Variants in TJP2 observed in about 807,000 individuals in gnomAD.
TJP2 encodes tight junction protein 2, also known as Friedreich ataxia region gene X104 (tight junction protein ZO-2).
TJP2 carries 91 observed loss-of-function variants against 133.1 expected under a neutral mutation model. The ratio of observed to expected loss-of-function variants is 0.68; its 90% confidence interval spans 0.58 to 0.81. The LOEUF is 0.81. Ranked by LOEUF, TJP2 falls within the 40% of genes least tolerant of loss-of-function variation. TJP2 has a pLI of 0.00. For missense variants in TJP2, 1,541 were observed against 1,565.6 expected, an observed-to-expected ratio of 0.98 and a Z score of 0.26; for synonymous variants, 592 against 583.4, an observed-to-expected ratio of 1.01 and a Z score of -0.21.
intron 2 of TJP2, among the ~76,000 whole-genome samples, chr9:69,156,532 T>A (rs951022401): frequency 2.6e-4 from 37 of 140,276 alleles, no homozygotes; most frequent in South Asian, 2.2e-3. Flanking sequence ...GATTTTTTTT[T>A]TTTTTTTTTT....
At chr9:69,225,972 A>T in intron 6 of TJP2, 50 bp from the exon 7 acceptor site, 2 of 1,595,680 alleles carry the variant, frequency 1.3e-6, no homozygotes, top group Non-Finnish European at 1.7e-6. Context: ...TGAATTTTCT[A>T]CTGTGAATAA....
rs1826360617 is a variant in TJP2, at chr9:69,193,686, T to A, written c.61-18862T>A. 2.0e-5 allele frequency among the ~76,000 whole-genome samples: 3 copies of A among 150,022 alleles called. No homozygotes were observed. In the Admixed American group the frequency reaches 2.0e-4, roughly 10 times the overall value. ...TTTCAAACACCTGAACTTTTTTTTT[T>A]TTTTTATAACTTGCTTGAATTTCAT... On this transcript the variant is annotated intron_variant, in intron 1 of 22. Coordinates refer to ENST00000377245, the MANE Select transcript of TJP2 (RefSeq NM_004817.4).
chr9:69,184,169 G>C (rs1464136667), intron 1 of TJP2, among the ~76,000 whole-genome samples: 4 of 152,162 alleles, frequency 2.6e-5, no homozygotes, highest in Non-Finnish European at 5.9e-5. Context: ...TACCCTATCA[G>C]TCATGGTTCA....
At chr9:69,238,547 A>C (rs1830357407) in intron 15 of TJP2, among the ~76,000 whole-genome samples, 163 bp from the exon 16 acceptor site, 2 of 152,136 alleles carry the variant, frequency 1.3e-5, no homozygotes, top group South Asian at 4.1e-4. Context: ...CCGTTTCTTC[A>C]TGATTAGATT....
At chr9:69,133,546 CTTT>C (rs10577570) in intron 1 of TJP2, among the ~76,000 whole-genome samples, 43 of 104,778 alleles carry the variant, frequency 4.1e-4, no homozygotes, top group African/African-American at 1.2e-3. Context: ...ATTTTTCTGG[CTTT>C]TTTTTTTTTT....
intron 2 of TJP2, among the ~76,000 whole-genome samples, chr9:69,158,702 T>C (rs2132840039): frequency 6.6e-6 from 1 of 152,222 alleles, no homozygotes; most frequent in South Asian, 2.1e-4. Context: ...ATCCTCCTGC[T>C]TCAGCCTCCC....
At chr9:69,235,040 T>C (rs758023453) in intron 12 of TJP2, among the ~76,000 whole-genome samples, 48 of 152,208 alleles carry the variant, frequency 3.2e-4, no homozygotes, top group Admixed American at 4.6e-4. Context: ...ATAGGAGATA[T>C]TGGAATCAAT....
At position 69,221,508 on chromosome 9, in the gene TJP2, T is replaced by C; in HGVS notation, c.952+12T>C. 18 of 1,600,108 alleles carry C rather than the reference T, an allele frequency of 1.1e-5. No homozygotes were observed. The highest frequency in any genetic ancestry group is 1.5e-5 in the Non-Finnish European group (18 of 1,172,946). On this transcript the variant is annotated intron_variant, in intron 5 of 22. Coordinates refer to ENST00000377245, the MANE Select transcript of TJP2 (RefSeq NM_004817.4). ...CAGAGCGAACGAAGGTAGGCATGCTTGATGTGGGAAGAAAAGCACTGTTGT... is the reference window on the plus strand; with the variant it reads ...CAGAGCGAACGAAGGTAGGCATGCTCGATGTGGGAAGAAAAGCACTGTTGT...
At chr9:69,203,305 A>G (rs1827133779) in intron 1 of TJP2, among the ~76,000 whole-genome samples, 2 of 126,954 alleles carry the variant, frequency 1.6e-5, no homozygotes, top group Non-Finnish European at 3.5e-5. Flanking sequence ...CCATTTATTT[A>G]TATAATAAAT....
intron 1 of TJP2, among the ~76,000 whole-genome samples, chr9:69,182,668 C>T (rs1825594412): frequency 6.6e-6 from 1 of 151,912 alleles, no homozygotes; most frequent in Admixed American, 6.6e-5. Context: ...GGCACGACCT[C>T]TGTTACAAGT....
chr9:69,249,011 A>T, intron 19 of TJP2: 2 of 995,512 alleles, frequency 2.0e-6, no homozygotes, highest in Non-Finnish European at 2.4e-6. Flanking sequence ...AACAAACTGA[A>T]GGGGGAGAAA....
chr9:69,205,131 C>T (rs114516958), intron 1 of TJP2: 24 of 1,536,526 alleles, frequency 1.6e-5, no homozygotes, highest in Middle Eastern at 1.7e-4. Context: ...GGAATGTAGG[C>T]GGTGGCCTGG....
chr9:69,199,152 C>G (rs11145652), intron 1 of TJP2, among the ~76,000 whole-genome samples: 54,948 of 152,030 alleles, frequency 0.36, 10,160 homozygotes, highest in South Asian at 0.44. Context: ...GTAGGTTTAC[C>G]TACCAGCCTA....
chr9:69,133,791 C>A (rs1293713006), intron 1 of TJP2, among the ~76,000 whole-genome samples: 1 of 151,762 alleles, frequency 6.6e-6, no homozygotes, highest in African/African-American at 2.4e-5. Flanking sequence ...CCTCAAGTGA[C>A]CCGCCTGCCT....
Position 69,221,246 on chromosome 9 carries a change from C to T in TJP2, c.702C>T (p.Asp234=). The change falls in exon 5 of 23, where the codon GAC becomes GAT. Residue 234 remains aspartate, a synonymous_variant. Transcript: ENST00000377245. Reference sequence around the variant, plus strand: ...ACCACGACTTTGGGCCATCCCGGGACCGGGACCGTGACCGCAGCCGCGGCC... The same window carrying T: ...ACCACGACTTTGGGCCATCCCGGGATCGGGACCGTGACCGCAGCCGCGGCC... The part of the protein sequence containing the change: ...GLDHDFGPSR[D]RDRDRSRGRS... 6.2e-7 allele frequency: 1 copy of T among 1,607,994 alleles called. No individual in the cohort carries two copies. The highest frequency in any genetic ancestry group is 8.5e-7 in the Non-Finnish European group (1 of 1,177,628).
intron 2 of TJP2, among the ~76,000 whole-genome samples, chr9:69,159,057 C>A (rs1481111439): frequency 6.6e-6 from 1 of 151,840 alleles, no homozygotes; most frequent in Non-Finnish European, 1.5e-5. Context: ...GTAATCCCAG[C>A]ACTTTGGGAG....
Position 69,123,447 on chromosome 9 carries a change from C to G in TJP2, c.-131+1722C>G, listed in dbSNP as rs1822235014. Among the ~76,000 whole-genome samples the G allele has an allele frequency of 2.6e-5, 2 of 76,900 alleles. 1 individual carries two copies. Among genetic ancestry groups the G allele is most frequent in the Non-Finnish European group, 6.0e-5 (2 of 33,424 alleles). The allele number at this position is 76,900 out of a possible 152,430, so 50.4% of individuals were successfully genotyped here. On this transcript the variant is annotated intron_variant, in intron 1 of 5. Coordinates refer to the TJP2 transcript ENST00000423935. The stretch of plus-strand genomic sequence containing the variant: ...TTAGAATACCTTATTTTCTCCTTTC[C>G]CCAGCCTCTGGGCTTCTGGATACTT...
chr9:69,246,571 T>C (rs532642153), intron 17 of TJP2, 119 bp from the exon 18 acceptor site: 285 of 849,714 alleles, frequency 3.4e-4, no homozygotes, highest in Non-Finnish European at 5.3e-4. Flanking sequence ...TGCAAACATC[T>C]TCTTGCGTCT....
chr9:69,251,490 G>A (rs1831329448), intron 21 of TJP2, 126 bp downstream of exon 21: 1 of 1,001,158 alleles, frequency 1.0e-6, no homozygotes, highest in East Asian at 2.6e-5. Context: ...AAAGGCAGGT[G>A]CTGTGTATGT....
Sources: allele counts gnomAD v4.1 joint callset (sites outside exome capture counted in the v4.1 genomes callset), GRCh38; gene constraint gnomAD v4.1.1; transcripts MANE v1.5; gene names NCBI Gene and HGNC (gene_info 2026-07-23, HGNC 2026-07-21).